The following CPNE5 variants were observed in gnomAD, a reference collection of about 807,000 sequenced individuals.
CPNE5 encodes the protein copine-5.
In CPNE5, 42 loss-of-function variants were observed where a neutral mutation model predicts 81.1. The observed-to-expected ratio is 0.52, with a 90% CI of 0.40 to 0.67. CPNE5 has a LOEUF of 0.67. CPNE5 is among the 30% of genes least tolerant of loss of function. The pLI is 0.00. For synonymous variants in CPNE5, 313 were observed against 321.5 expected (o/e 0.97, Z 0.28); for missense variants, 612 against 815.5 (o/e 0.75, Z 3.04).
chr6:36,827,289 T>A (rs1351503672), intron 1 of CPNE5: 1 of 981,808 alleles, frequency 1.0e-6, no homozygotes, highest in Non-Finnish European at 1.2e-6. Flanking sequence ...CCTAACTGCC[T>A]GTCCAGACAG....
chr6:36,835,549 A>G (rs1195552362), intron 1 of CPNE5, among the ~76,000 whole-genome samples: 3 of 152,182 alleles, frequency 2.0e-5, no homozygotes, highest in Non-Finnish European at 4.4e-5. Context: ...TAATCCTAGC[A>G]CTTTGGGAGG....
chr6:36,810,071 C>T (rs919656079), intron 3 of CPNE5, among the ~76,000 whole-genome samples: 2 of 151,944 alleles, frequency 1.3e-5, no homozygotes, highest in Admixed American at 6.6e-5. Context: ...GAGGAAGGGC[C>T]GGGACTCTCA....
chr6:36,769,537 C>T (rs945954196), intron 10 of CPNE5, among the ~76,000 whole-genome samples: 5 of 152,226 alleles, frequency 3.3e-5, no homozygotes, highest in Non-Finnish European at 7.3e-5. Flanking sequence ...GGTTTCCCTG[C>T]GGCTTACAAG....
intron 7 of CPNE5, chr6:36,792,305 G>T: frequency 6.6e-7 from 1 of 1,516,568 alleles, no homozygotes; most frequent in Non-Finnish European, 8.8e-7. Context: ...CCCGAGCCTG[G>T]AGCTGCCCCA....
chr6:36,815,140 A>T (rs1476925468), intron 3 of CPNE5, among the ~76,000 whole-genome samples: 1 of 150,776 alleles, frequency 6.6e-6, no homozygotes, highest in East Asian at 1.9e-4. Flanking sequence ...CCTGGGCGAC[A>T]TAGCAAGACT....
intron 12 of CPNE5, among the ~76,000 whole-genome samples, chr6:36,759,610 C>T (rs552470004): frequency 6.6e-6 from 1 of 152,148 alleles, no homozygotes; most frequent in Admixed American, 6.5e-5. Context: ...CCAGAAGGAA[C>T]CCCAGGAGCA....
rs371898081 is a variant in CPNE5, at chr6:36,784,964, A to G, written c.529-6007T>C. Among the ~76,000 whole-genome samples the G allele has an allele frequency of 1.4e-3, 200 of 147,772 alleles. 3 individuals are homozygous for G. Among genetic ancestry groups the G allele is most frequent in the African/African-American group, 4.8e-3 (192 of 39,708 alleles). ...AGAGAGAGAGGAAAAAAAAAAAAAG[A>G]AAAGAAATGCCATTCCCACCAGAAA... On this transcript the variant is annotated intron_variant, in intron 8 of 20. Coordinates refer to ENST00000244751, the MANE Select transcript of CPNE5 (RefSeq NM_020939.2).
intron 3 of CPNE5, among the ~76,000 whole-genome samples, chr6:36,810,270 G>A (rs890454601): frequency 8.5e-5 from 13 of 152,158 alleles, no homozygotes; most frequent in South Asian, 2.1e-4. Flanking sequence ...GGGCTGTGCC[G>A]GTGGGATAGG....
intron 1 of CPNE5, among the ~76,000 whole-genome samples, chr6:36,835,700 G>C (rs1773431152): frequency 6.6e-6 from 1 of 152,118 alleles, no homozygotes; most frequent in East Asian, 1.9e-4. Context: ...GTAGACTGAG[G>C]TAGGAGAATC....
At chr6:36,786,205 G>A (rs1280864120) in intron 8 of CPNE5, among the ~76,000 whole-genome samples, 2 of 152,040 alleles carry the variant, frequency 1.3e-5, no homozygotes, top group Non-Finnish European at 2.9e-5. Context: ...CAGGAGCTGG[G>A]GGTGATTCTG....
At chr6:36,828,213 G>A (rs760202601) in intron 1 of CPNE5, among the ~76,000 whole-genome samples, 1 of 151,408 alleles carries the variant, frequency 6.6e-6, no homozygotes, top group Non-Finnish European at 1.5e-5. Flanking sequence ...TTAGCTACTC[G>A]GGACTCCAAG....
chr6:36,744,436 G>A (rs1378890608), intron 18 of CPNE5, 111 bp from the exon 19 acceptor site: 13 of 798,082 alleles, frequency 1.6e-5, no homozygotes, highest in Non-Finnish European at 2.2e-6. Context: ...AGAAATGGGA[G>A]AGTGAACATG....
At chr6:36,787,831 C>T (rs2150495375) in intron 8 of CPNE5, among the ~76,000 whole-genome samples, 1 of 152,254 alleles carries the variant, frequency 6.6e-6, no homozygotes, top group South Asian at 2.1e-4. Context: ...TGACCACCGC[C>T]ACCATCCTGG....
At chr6:36,838,982 A>C (rs763985340) in intron 1 of CPNE5, among the ~76,000 whole-genome samples, 1 of 152,016 alleles carries the variant, frequency 6.6e-6, no homozygotes, top group Non-Finnish European at 1.5e-5. Context: ...ACAGCCTTTT[A>C]CCAACTCCCT....
intron 1 of CPNE5, among the ~76,000 whole-genome samples, chr6:36,837,025 C>G (rs1004678685): frequency 6.6e-6 from 1 of 152,214 alleles, no homozygotes; most frequent in Non-Finnish European, 1.5e-5. Context: ...GAACCACATC[C>G]CCCAGGAAGG....
chr6:36,815,871 C>A (rs35158499), intron 3 of CPNE5, among the ~76,000 whole-genome samples: 2 of 152,170 alleles, frequency 1.3e-5, no homozygotes, highest in African/African-American at 2.4e-5. Flanking sequence ...TGGTATGGGG[C>A]GATCTGCTGG....
At chr6:36,836,503 T>A (rs1447434027) in intron 1 of CPNE5, among the ~76,000 whole-genome samples, 1 of 152,088 alleles carries the variant, frequency 6.6e-6, no homozygotes, top group Non-Finnish European at 1.5e-5. Flanking sequence ...CAGCTGCCCA[T>A]CCTGAAACCC....
At position 36,830,236 on chromosome 6, in the gene CPNE5, G is replaced by T. The variant is rs371961315; in HGVS notation, c.96-7138C>A. 2.4e-4 allele frequency among the ~76,000 whole-genome samples: 36 copies of T among 152,212 alleles called. No homozygotes were observed. The East Asian group carries it at 5.6e-3, about 24-fold the overall frequency. The stretch of plus-strand genomic sequence containing the variant: ...GAGTGCTTGCACTACCAAAGCCAAG[G>T]ACTCCCAAAGCCCCATCTGGGCCAG... On this transcript the variant is annotated intron_variant, in intron 1 of 20. Transcript: ENST00000244751.
At chr6:36,811,203 C>T (rs1310491134) in intron 3 of CPNE5, among the ~76,000 whole-genome samples, 1 of 152,098 alleles carries the variant, frequency 6.6e-6, no homozygotes, top group African/African-American at 2.4e-5. Context: ...GGGTGGGGGG[C>T]CTGAGCAGTC....
Sources: allele counts gnomAD v4.1 joint callset (sites outside exome capture counted in the v4.1 genomes callset), GRCh38; gene constraint gnomAD v4.1.1; transcripts MANE v1.5; gene names NCBI Gene and HGNC (gene_info 2026-07-23, HGNC 2026-07-21).